The following IL1R1 variants were observed in gnomAD, a reference collection of about 807,000 sequenced individuals.
IL1R1 encodes interleukin-1 receptor type 1.
In IL1R1, 22 loss-of-function variants were observed where a neutral mutation model predicts 50.2. The ratio of observed to expected loss-of-function variants is 0.44; its 90% confidence interval spans 0.31 to 0.63. IL1R1 has a LOEUF of 0.63. IL1R1 is among the 20% of genes least tolerant of loss of function. IL1R1 has a pLI of 0.07. For synonymous variants in IL1R1, 251 were observed against 236.7 expected, an observed-to-expected ratio of 1.06 and a Z score of -0.55; for missense variants, 509 against 676.2, an observed-to-expected ratio of 0.75 and a Z score of 2.74.
rs113921359 is a variant in IL1R1 at position 102,072,238 on chromosome 2, T to A, written c.-84+1705T>A. On this transcript the variant is annotated intron_variant, in intron 1 of 11. Coordinates refer to the IL1R1 transcript ENST00000409929. ...TTGTGCCATTGCACTCCAGCCTGGG[T>A]GACAGAGCAAGACTCTGTGTCACCA... is the stretch of plus-strand genomic sequence containing the variant. 2.1e-3 allele frequency among the ~76,000 whole-genome samples: 312 copies of A among 148,480 alleles called. 1 individual carries two copies. Among genetic ancestry groups the A allele is most frequent in the Middle Eastern group, 0.017 (5 of 286 alleles).
chr2:102,129,256 T>TACAACAACA lies in IL1R1; in HGVS notation c.-84+24416_-84+24424dup, dbSNP rs71866133. Among the ~76,000 whole-genome samples the TACAACAACA allele has an allele frequency of 6.1e-3, 913 of 149,522 alleles. 4 individuals are homozygous for TACAACAACA. Among genetic ancestry groups the TACAACAACA allele is most frequent in the Admixed American group, 8.3e-3 (125 of 14,980 alleles). On this transcript the variant is annotated intron_variant, in intron 1 of 10. Coordinates refer to the IL1R1 transcript ENST00000409329. ...AATCAACAATGAAACCCCAAAAACCTACAACAACAACAACAACAACAACAA... is the reference window on the plus strand; with the variant it reads ...AATCAACAATGAAACCCCAAAAACCTACAACAACAACAACAACAACAACAACAACAACAA...
chr2:102,108,377 T>C lies in IL1R1; in HGVS notation c.-84+3505T>C, dbSNP rs116612057. The stretch of plus-strand genomic sequence containing the variant: ...ATTTTGTTGCTTATTTATTCCATTC[T>C]TGTACAGGAAAACCAGCCATCCTCC... On this transcript the variant is annotated intron_variant, in intron 1 of 10. Coordinates refer to the IL1R1 transcript ENST00000409329. Among the ~76,000 whole-genome samples, 106 of 152,290 alleles carry C rather than the reference T, an allele frequency of 7.0e-4. 1 individual carries two copies. The highest frequency in any genetic ancestry group is 8.1e-4 in the Non-Finnish European group (55 of 68,020).
rs555547088 is a variant in IL1R1 at position 102,134,569 on chromosome 2, G to A, written c.-83-19372G>A. On this transcript the variant is annotated intron_variant, in intron 1 of 10. Transcript: ENST00000409329. ...AATTTTGTATTTTTAGTAGAGACGG[G>A]TTTTCTCCATGTTGGTCAGGCTGGT... 2.0e-5 allele frequency among the ~76,000 whole-genome samples: 3 copies of A among 151,880 alleles called. No homozygotes were observed. The East Asian group carries it at 5.8e-4, about 29-fold the overall frequency.
At chr2:102,090,608 A>G (rs543583545) in intron 1 of IL1R1, among the ~76,000 whole-genome samples, 3 of 152,098 alleles carry the variant, frequency 2.0e-5, no homozygotes, top group African/African-American at 7.2e-5. Flanking sequence ...CTGAATTTTC[A>G]CTTCAGCTAT....
rs201037856 is a variant in IL1R1, at chr2:102,178,458, T to G, written c.*1699T>G. ...TTTGCAATTATTCTAATTTTATATA[T>G]AGAGAAAGTGACCTATTTTTTAAAA... On this transcript the variant is annotated 3_prime_UTR_variant, in exon 12 of 12. Transcript: ENST00000410023. The G allele has an allele frequency of 1.3e-5, 2 of 152,242 alleles. No homozygotes were observed. Among genetic ancestry groups the G allele is most frequent in the Non-Finnish European group, 2.9e-5 (2 of 68,046 alleles). The allele number at this position is 152,242 out of a possible 1,614,324, so 9.4% of individuals were successfully genotyped here. A position where few individuals can be genotyped will look rare whatever the true frequency, so the allele number is the denominator to read the frequency against.
At position 102,154,386 on chromosome 2, in the gene IL1R1, C is replaced by T. The variant is rs114827789; in HGVS notation, c.-7+369C>T. Among the ~76,000 whole-genome samples the T allele has an allele frequency of 6.0e-4, 92 of 152,262 alleles. 1 individual carries two copies. Among genetic ancestry groups the T allele is most frequent in the Middle Eastern group, 3.4e-3 (1 of 294 alleles). On this transcript the variant is annotated intron_variant, in intron 2 of 11. Transcript: ENST00000410023. ...CATGTTCAAATTCTTGCTTTCTGCT[C>T]GAGTCAGTACTGCTCACCTCGTTCC...
chr2:102,093,326 AC>A (rs1429345867), intron 1 of IL1R1, among the ~76,000 whole-genome samples: 1 of 152,108 alleles, frequency 6.6e-6, no homozygotes, highest in Admixed American at 6.6e-5. Flanking sequence ...TTTCCGGAAA[AC>A]CCTTGTGAGT....
intron 1 of IL1R1, among the ~76,000 whole-genome samples, chr2:102,075,900 T>C (rs906188617): frequency 1.3e-5 from 2 of 152,190 alleles, no homozygotes; most frequent in Non-Finnish European, 2.9e-5. Context: ...TCCCAACTTA[T>C]CTGTGCCAGG....
At chr2:102,084,105 T>C (rs1679337465) in intron 1 of IL1R1, among the ~76,000 whole-genome samples, 1 of 152,200 alleles carries the variant, frequency 6.6e-6, no homozygotes, top group Admixed American at 6.5e-5. Context: ...CAATCTCAAT[T>C]TTCTTGTTTG....
chr2:102,171,769 T>C (rs1685692088), intron 7 of IL1R1, 32 bp from the exon 8 acceptor site: 1 of 1,271,220 alleles, frequency 7.9e-7, no homozygotes, highest in Non-Finnish European at 1.1e-6. Flanking sequence ...AAAAATCAAT[T>C]AATGTTAAGA....
chr2:102,112,794 C>T (rs1577874476), intron 1 of IL1R1, among the ~76,000 whole-genome samples: 2 of 152,018 alleles, frequency 1.3e-5, no homozygotes, highest in South Asian at 4.2e-4. Context: ...TCTGTGTGTC[C>T]CCCAAGCCCA....
chr2:102,175,658 T>C lies in IL1R1; in HGVS notation c.1303+13T>C, dbSNP rs762265750. On this transcript the variant is annotated intron_variant, in intron 11 of 11. Transcript: ENST00000410023. ...TACGTTGGGGAAGGTATGTGTGTAA[T>C]GGAACAGAGTAAAGGCTTATTGTTG... The C allele has an allele frequency of 3.7e-6, 6 of 1,611,702 alleles. No individual in the cohort carries two copies. In the South Asian group the frequency reaches 6.6e-5, roughly 18 times the overall value.
chr2:102,074,865 A>G (rs1678892886), intron 1 of IL1R1, among the ~76,000 whole-genome samples: 2 of 152,128 alleles, frequency 1.3e-5, no homozygotes, highest in Admixed American at 1.3e-4. Context: ...ACATTTCTGC[A>G]TTTCATGAAG....
intron 6 of IL1R1, among the ~76,000 whole-genome samples, chr2:102,166,651 G>C (rs1455699406): frequency 4.6e-5 from 7 of 152,156 alleles, no homozygotes. Context: ...TCAGTGTCTA[G>C]CAGCAAGCAT....
chr2:102,138,829 A>G (rs1185142605), upstream of IL1R1, among the ~76,000 whole-genome samples: 4 of 152,208 alleles, frequency 2.6e-5, no homozygotes, highest in African/African-American at 9.7e-5. Flanking sequence ...AAATATGTGT[A>G]GCAAATTAAG....
At position 102,145,831 on chromosome 2, in the gene IL1R1, G is replaced by A. The variant is rs141344749; in HGVS notation, c.-84+2811G>A. Among the ~76,000 whole-genome samples the A allele has an allele frequency of 2.8e-3, 433 of 152,310 alleles. 1 individual carries two copies. The highest frequency in any genetic ancestry group is 4.7e-3 in the Non-Finnish European group (322 of 68,028). On this transcript the variant is annotated intron_variant, in intron 1 of 11. Coordinates refer to ENST00000410023, the MANE Select transcript of IL1R1 (RefSeq NM_000877.4). ...CAAACAAACTAGCATCTCTGGAGGC[G>A]TGCTGGGCACGGGTATTTTCAAAGC...
chr2:102,153,087 C>T (rs1382669292), intron 1 of IL1R1, among the ~76,000 whole-genome samples: 1 of 152,216 alleles, frequency 6.6e-6, no homozygotes, highest in East Asian at 1.9e-4. Context: ...GCTACCACAA[C>T]CCAGCTTTTT....
At chr2:102,084,475 C>T (rs1264672959) in intron 1 of IL1R1, among the ~76,000 whole-genome samples, 1 of 152,130 alleles carries the variant, frequency 6.6e-6, no homozygotes, top group African/African-American at 2.4e-5. Flanking sequence ...GATTTTATCG[C>T]CCCGTACAAA....
Position 102,171,936 on chromosome 2 carries a change from T to G in IL1R1, c.839+18T>G. On this transcript the variant is annotated intron_variant, in intron 8 of 11. Coordinates refer to ENST00000410023, the MANE Select transcript of IL1R1 (RefSeq NM_000877.4). The stretch of plus-strand genomic sequence containing the variant: ...TATTACAGGTATGTATGCTAAGAGT[T>G]ATTCACATTTTGGTGTTAAATCCCA... The G allele has an allele frequency of 7.5e-7, 1 of 1,336,830 alleles. No individual in the cohort carries two copies. Among genetic ancestry groups the G allele is most frequent in the African/African-American group, 1.5e-5 (1 of 68,812 alleles). The allele number at this position is 1,336,830 out of a possible 1,614,324, so 82.8% of individuals were successfully genotyped here. A position where few individuals can be genotyped will look rare whatever the true frequency, so the allele number is the denominator to read the frequency against.
Sources: allele counts gnomAD v4.1 joint callset (sites outside exome capture counted in the v4.1 genomes callset), GRCh38; gene constraint gnomAD v4.1.1; transcripts MANE v1.5; gene names NCBI Gene and HGNC (gene_info 2026-07-23, HGNC 2026-07-21).